C2orf74: variants seen among roughly 807,000 people sequenced by gnomAD.
C2orf74 encodes uncharacterized protein C2orf74.
A neutral mutation model predicts 17.9 loss-of-function variants in C2orf74; 14 were observed. That is an observed-to-expected ratio of 0.78 (90% CI 0.52 to 1.22). C2orf74 has a LOEUF of 1.22. C2orf74 is among the 50% of genes most tolerant of loss of function. C2orf74 has a pLI of 0.00. For missense variants in C2orf74, 217 were observed against 218.4 expected, an observed-to-expected ratio of 0.99 and a Z score of 0.04; for synonymous variants, 79 against 72.6, an observed-to-expected ratio of 1.09 and a Z score of -0.44.
At chr2:61,161,439 GT>G (rs1685560702), upstream of C2orf74, among the ~76,000 whole-genome samples, 1 of 84,630 alleles carries the variant, frequency 1.2e-5, no homozygotes, top group South Asian at 3.1e-4. Flanking sequence ...TAGCATGAAA[GT>G]GTGTTAAATT....
chr2:61,164,332 T>C (rs746509146), intron 4 of C2orf74, 22 bp from the exon 5 acceptor site: 2 of 1,504,380 alleles, frequency 1.3e-6, no homozygotes, highest in African/African-American at 2.8e-5. Context: ...TTGTTTATAT[T>C]GTTTGTCCCA....
intron 1 of C2orf74, among the ~76,000 whole-genome samples, chr2:61,145,548 C>G (rs559885328): frequency 6.6e-6 from 1 of 152,156 alleles, no homozygotes; most frequent in East Asian, 1.9e-4. Context: ...CTCAGCCTCC[C>G]GAGTAGCTGG....
chr2:61,149,580 T>C (rs1478646717), intron 1 of C2orf74, among the ~76,000 whole-genome samples: 244 of 142,578 alleles, frequency 1.7e-3, no homozygotes, highest in African/African-American at 6.4e-3. Context: ...CTTTCTTTTT[T>C]TTTTTTTTTT....
intron 4 of C2orf74, 75 bp from the exon 5 acceptor site, chr2:61,164,279 T>C (rs1239299308): frequency 1.5e-5 from 19 of 1,259,616 alleles, no homozygotes; most frequent in Admixed American, 3.1e-5. Context: ...AGTGTACATA[T>C]AACCTGTAAT....
At chr2:61,163,354 A>T (rs561083802) in intron 4 of C2orf74, 122 bp downstream of exon 4, 23 of 1,083,212 alleles carry the variant, frequency 2.1e-5, no homozygotes, top group Middle Eastern at 3.1e-4. Context: ...CACGCCTGTA[A>T]TCCCAGCATT....
chr2:61,162,191 T>TAAAAA lies in C2orf74; in HGVS notation c.-229_-228insAAAAA. ...TGGGCTCAGCTCCAGCTGTTCCGATTCCTCTCTCCTCTGGGTCCTGATAGT... is the reference window on the plus strand; with the variant it reads ...TGGGCTCAGCTCCAGCTGTTCCGATTAAAAACCTCTCTCCTCTGGGTCCTGATAGT... On this transcript the variant is annotated 5_prime_UTR_variant, in exon 1 of 5. Coordinates refer to ENST00000432605, the MANE Select transcript of C2orf74 (RefSeq NM_001143959.4). 3.6e-5 allele frequency: 11 copies of TAAAAA among 309,684 alleles called. No homozygotes were observed. The highest frequency in any genetic ancestry group is 1.8e-4 in the South Asian group (3 of 16,918). 19.2% of individuals were successfully genotyped at this position (309,684 alleles called of 1,614,324 possible).
At chr2:61,157,384 T>C (rs1312848259), upstream of C2orf74, among the ~76,000 whole-genome samples, 1 of 152,124 alleles carries the variant, frequency 6.6e-6, no homozygotes, top group African/African-American at 2.4e-5. Context: ...GATCAGGAAA[T>C]GGCAGATGGG....
At chr2:61,152,058 T>C (rs1685243022) in intron 1 of C2orf74, 1 of 152,362 alleles carries the variant, frequency 6.6e-6, no homozygotes, top group African/African-American at 2.4e-5. Context: ...TGAGTCTCAT[T>C]TGGAGTCTGC....
chr2:61,147,045 T>C (rs1685091425), intron 1 of C2orf74, among the ~76,000 whole-genome samples: 2 of 151,724 alleles, frequency 1.3e-5, no homozygotes, highest in African/African-American at 4.8e-5. Flanking sequence ...GGTGGGCGCC[T>C]GTAGGCCCAA....
chr2:61,163,482 T>C (rs1685635196), intron 4 of C2orf74, among the ~76,000 whole-genome samples: 1 of 151,912 alleles, frequency 6.6e-6, no homozygotes, highest in African/African-American at 2.4e-5. Context: ...CACCCGCCTG[T>C]AATCCCAGCT....
chr2:61,156,881 AAAAC>A (rs1240491386), intron 1 of C2orf74, among the ~76,000 whole-genome samples: 1 of 152,186 alleles, frequency 6.6e-6, no homozygotes, highest in African/African-American at 2.4e-5. Context: ...CCCTGTCTCA[AAAAC>A]AACCACAACA....
intron 4 of C2orf74, 26 bp downstream of exon 4, chr2:61,163,258 A>T: frequency 1.3e-6 from 2 of 1,542,652 alleles, no homozygotes; most frequent in South Asian, 1.2e-5. Flanking sequence ...ACTCTCAAAG[A>T]GCAGTTTAGA....
upstream of C2orf74, among the ~76,000 whole-genome samples, chr2:61,161,461 C>T (rs1316188756): frequency 6.6e-6 from 1 of 152,144 alleles, no homozygotes; most frequent in South Asian, 2.1e-4. Flanking sequence ...TTGTCAAGTG[C>T]TTTTTCTGCA....
upstream of C2orf74, chr2:61,157,910 T>G (rs1685439916): frequency 2.1e-6 from 1 of 471,162 alleles, no homozygotes; most frequent in African/African-American, 2.0e-5. Flanking sequence ...TGGTTGGGGA[T>G]TCACGTATGC....
chr2:61,158,480 A>T (rs1685464069), upstream of C2orf74, among the ~76,000 whole-genome samples: 1 of 152,188 alleles, frequency 6.6e-6, no homozygotes. Flanking sequence ...AAAAAGCACG[A>T]TTGGAAGTGT....
At chr2:61,149,193 C>T (rs1685152288) in intron 1 of C2orf74, among the ~76,000 whole-genome samples, 1 of 152,184 alleles carries the variant, frequency 6.6e-6, no homozygotes, top group Admixed American at 6.5e-5. Context: ...GCTTGTGTAT[C>T]TGTATTCAAC....
Position 61,164,614 on chromosome 2 carries a change from A to G in C2orf74, c.*87A>G, listed in dbSNP as rs747468695. On this transcript the variant is annotated 3_prime_UTR_variant, in exon 5 of 5. Transcript: ENST00000432605. ...GGTACAAAATCATGTTGAAACAACA[A>G]AACAATGGGGAATTAAGCAAATAAA... The G allele has an allele frequency of 8.4e-6, 9 of 1,072,564 alleles. No homozygotes were observed. Among genetic ancestry groups the G allele is most frequent in the Non-Finnish European group, 1.1e-5 (9 of 797,834 alleles). 66.4% of individuals were successfully genotyped at this position (1,072,564 alleles called of 1,614,324 possible).
chr2:61,145,184 G>A (rs531146908), exon 1 of C2orf74: 1 of 152,274 alleles, frequency 6.6e-6, no homozygotes, highest in Non-Finnish European at 1.5e-5. Context: ...CCAGACTCGT[G>A]GGGGAAAGGC....
intron 1 of C2orf74, among the ~76,000 whole-genome samples, chr2:61,148,795 C>T (rs1685141842): frequency 6.6e-6 from 1 of 152,112 alleles, no homozygotes; most frequent in South Asian, 2.1e-4. Flanking sequence ...CGGCTCACTG[C>T]AACCTCCGTC....
Sources: gnomAD v4.1 joint callset for allele counts (sites outside exome capture counted in the v4.1 genomes callset) on GRCh38, gnomAD v4.1.1 for gene constraint, MANE v1.5 for transcripts, NCBI Gene and HGNC (gene_info 2026-07-23, HGNC 2026-07-21) for gene names.